The following F13A1 variants were observed in gnomAD, a reference collection of about 807,000 sequenced individuals.
The protein encoded by F13A1 is FSF, A subunit.
Under a neutral mutation model 80.1 loss-of-function variants are expected in F13A1, and 47 were observed. The observed-to-expected ratio is 0.59, with a 90% CI of 0.46 to 0.75. The LOEUF is 0.75. Among genes scored for constraint, F13A1 ranks in the 30% least tolerant of loss-of-function variants. The pLI, the probability that F13A1 is intolerant of heterozygous loss-of-function variation, is 0.00. For missense variants in F13A1, 817 were observed against 930.4 expected, an observed-to-expected ratio of 0.88 and a Z score of 1.59; for synonymous variants, 349 against 344.9, an observed-to-expected ratio of 1.01 and a Z score of -0.13.
intron 6 of F13A1, among the ~76,000 whole-genome samples, chr6:6,236,388 A>G (rs1445705994): frequency 2.6e-5 from 4 of 152,094 alleles, no homozygotes; most frequent in African/African-American, 7.2e-5. Context: ...TTTTAAAATT[A>G]TTTCTCCTGT....
intron 6 of F13A1, among the ~76,000 whole-genome samples, chr6:6,239,079 A>T (rs1401550988): frequency 2.0e-5 from 3 of 152,226 alleles, no homozygotes; most frequent in Non-Finnish European, 4.4e-5. Context: ...TATTCATAAT[A>T]GCTTCACATT....
intron 1 of F13A1, 49 bp from the exon 2 acceptor site, chr6:6,318,731 A>G: frequency 6.3e-7 from 1 of 1,580,768 alleles, no homozygotes; most frequent in African/African-American, 1.4e-5. Context: ...ATGTAAAGTG[A>G]GTAACATTTG....
chr6:6,250,616 G>A lies in F13A1; in HGVS notation c.690+195C>T, dbSNP rs1375884431. Reference sequence around the variant, plus strand: ...GTAACACTGTAATACCCAGAGATATGTGGTTTCAGCTGATAAATTACGCAG... The same window carrying A: ...GTAACACTGTAATACCCAGAGATATATGGTTTCAGCTGATAAATTACGCAG... On this transcript the variant is annotated intron_variant, in intron 5 of 14. Coordinates refer to ENST00000264870, the MANE Select transcript of F13A1 (RefSeq NM_000129.4). The surrounding 1 kb of genome is among the most constrained non-coding windows in gnomAD (Gnocchi z 4.2). Among the ~76,000 whole-genome samples, 1 of 152,146 alleles carries A rather than the reference G, an allele frequency of 6.6e-6. No individual in the cohort carries two copies. Among genetic ancestry groups the A allele is most frequent in the African/African-American group, 2.4e-5 (1 of 41,426 alleles).
At chr6:6,299,900 A>G (rs1219621717) in intron 3 of F13A1, among the ~76,000 whole-genome samples, 2 of 146,714 alleles carry the variant, frequency 1.4e-5, no homozygotes, top group Non-Finnish European at 3.0e-5. Flanking sequence ...TTGGTCTTTG[A>G]TGATGGTGAT....
intron 11 of F13A1, among the ~76,000 whole-genome samples, chr6:6,180,573 CA>C (rs1442006501): frequency 6.6e-6 from 1 of 152,182 alleles, no homozygotes; most frequent in African/African-American, 2.4e-5. Context: ...AGTAAGAGGG[CA>C]TTGCTTGTTT....
At chr6:6,229,901 A>C (rs6902242) in intron 6 of F13A1, among the ~76,000 whole-genome samples, 4,201 of 152,284 alleles carry the variant, frequency 0.028, 207 homozygotes, top group African/African-American at 0.095. Context: ...TGGAGAGCTG[A>C]GGGAAATACA....
At chr6:6,202,884 C>T (rs979982886) in intron 8 of F13A1, among the ~76,000 whole-genome samples, 1 of 152,212 alleles carries the variant, frequency 6.6e-6, no homozygotes, top group African/African-American at 2.4e-5. Context: ...TCACCAAAGG[C>T]AGTACTTCAC....
At chr6:6,189,778 T>C (rs1761148687) in intron 10 of F13A1, among the ~76,000 whole-genome samples, 1 of 151,152 alleles carries the variant, frequency 6.6e-6, no homozygotes, top group South Asian at 2.1e-4. Flanking sequence ...CCTGCCTTGC[T>C]AGATTGGGGA....
In F13A1 at chr6:6,232,863, AAAAC is replaced by A. The variant is rs1396664958; in HGVS notation, c.799-8007_799-8004del. On this transcript the variant is annotated intron_variant, in intron 6 of 14. Coordinates refer to ENST00000264870, the MANE Select transcript of F13A1 (RefSeq NM_000129.4). The stretch of plus-strand genomic sequence containing the variant: ...CTGCTCCTGAATGAGCATTGGGTCA[AAAAC>A]AAAATCAAGATGAAAATTAAAAAAT... Among the ~76,000 whole-genome samples the A allele has an allele frequency of 2.0e-5, 3 of 152,238 alleles. No individual in the cohort carries two copies. In the East Asian group the frequency reaches 5.8e-4, roughly 29 times the overall value.
Position 6,202,943 on chromosome 6 carries a change from T to G in F13A1, c.1113-5617A>C, listed in dbSNP as rs1761423679. On this transcript the variant is annotated intron_variant, in intron 8 of 14. Coordinates refer to ENST00000264870, the MANE Select transcript of F13A1 (RefSeq NM_000129.4). The stretch of plus-strand genomic sequence containing the variant: ...CTGGGGGACCCTACATGGGACGTCA[T>G]AGTTTATGTTGTGATTCAGTAAATC... Among the ~76,000 whole-genome samples, 4 of 152,338 alleles carry G rather than the reference T, an allele frequency of 2.6e-5. No individual in the cohort carries two copies. In the South Asian group the frequency reaches 8.3e-4, roughly 32 times the overall value.
chr6:6,190,819 C>T (rs1179067597), intron 10 of F13A1, among the ~76,000 whole-genome samples: 1 of 152,102 alleles, frequency 6.6e-6, no homozygotes, highest in East Asian at 1.9e-4. Context: ...GCCCCTCCCC[C>T]AGCCTCGCTG....
intron 8 of F13A1, among the ~76,000 whole-genome samples, chr6:6,200,429 G>A (rs922973201): frequency 7.2e-5 from 11 of 151,870 alleles, no homozygotes; most frequent in Non-Finnish European, 2.9e-5. Context: ...TAGCTGACCT[G>A]TAGTCTCAGC....
intron 13 of F13A1, among the ~76,000 whole-genome samples, chr6:6,164,115 G>GA (rs529309118): frequency 1.3e-5 from 2 of 151,154 alleles, no homozygotes; most frequent in Admixed American, 6.6e-5. Flanking sequence ...ATGTTTACAG[G>GA]AAAAAAACCA....
In F13A1 at chr6:6,187,896, T is replaced by G. The variant is rs1253981665; in HGVS notation, c.1306-5755A>C. ...TAAGCTATTGATTATTGCCACAATT[T>G]CAGATCCTGTTATTGGTCTATTCAG... On this transcript the variant is annotated intron_variant, in intron 10 of 14. Transcript: ENST00000264870. Among the ~76,000 whole-genome samples the G allele has an allele frequency of 1.6e-4, 23 of 144,462 alleles. No individual in the cohort carries two copies. In the East Asian group the frequency reaches 4.4e-3, roughly 28 times the overall value. The allele number at this position is 144,462 out of a possible 152,430, so 94.8% of individuals were successfully genotyped here. A position where few individuals can be genotyped will look rare whatever the true frequency, so the allele number is the denominator to read the frequency against.
rs1487122715 is a variant in F13A1 at position 6,144,825 on chromosome 6, T to G, written c.*794A>C. 1.3e-5 allele frequency: 2 copies of G among 152,644 alleles called. No homozygotes were observed. 9.5% of individuals were successfully genotyped at this position (152,644 alleles called of 1,614,324 possible). A position where few individuals can be genotyped will look rare whatever the true frequency, so the allele number is the denominator to read the frequency against. ...TAACTAAAGAGATAAATTCTTCACT[T>G]TACTTCCTAGTATTGCATCCCAGAA... On this transcript the variant is annotated 3_prime_UTR_variant, in exon 15 of 15. Transcript: ENST00000264870.
At chr6:6,237,372 T>C (rs950353125) in intron 6 of F13A1, among the ~76,000 whole-genome samples, 1 of 152,188 alleles carries the variant, frequency 6.6e-6, no homozygotes, top group African/African-American at 2.4e-5. Context: ...TGCCTGGCTC[T>C]TCATCCTTGA....
chr6:6,208,895 A>T (rs1761545543), intron 8 of F13A1, among the ~76,000 whole-genome samples: 1 of 152,160 alleles, frequency 6.6e-6, no homozygotes, highest in African/African-American at 2.4e-5. Flanking sequence ...TTAGAACAAA[A>T]CAGAGGAGCA....
chr6:6,245,471 G>A (rs993430065), intron 6 of F13A1, among the ~76,000 whole-genome samples: 18 of 152,250 alleles, frequency 1.2e-4, no homozygotes, highest in East Asian at 1.2e-3. Context: ...TGATCTGCCC[G>A]CCTCGGCCTC....
chr6:6,208,304 A>G (rs1251602866), intron 8 of F13A1, among the ~76,000 whole-genome samples: 1 of 152,210 alleles, frequency 6.6e-6, no homozygotes, highest in Admixed American at 6.5e-5. Flanking sequence ...AGAAGAATCA[A>G]TGAACTTGAA....
Sources: gnomAD v4.1 joint callset for allele counts (sites outside exome capture counted in the v4.1 genomes callset) on GRCh38, gnomAD v4.1.1 for gene constraint, Gnocchi (gnomAD v3.1) non-coding constraint, MANE v1.5 for transcripts, NCBI Gene and HGNC (gene_info 2026-07-23, HGNC 2026-07-21) for gene names.